The following DCC variants were observed in gnomAD, a reference collection of about 807,000 sequenced individuals.
The protein encoded by DCC is DCC netrin 1 receptor, also known as netrin receptor DCC.
DCC carries 58 observed loss-of-function variants against 172.5 expected under a neutral mutation model. The ratio of observed to expected loss-of-function variants is 0.34; its 90% confidence interval spans 0.27 to 0.42. The LOEUF (loss-of-function observed/expected upper bound fraction) is 0.42. DCC is among the 10% of genes least tolerant of loss of function. DCC has a pLI of 1.00. For missense variants in DCC, 1,740 were observed against 1,791.0 expected, an observed-to-expected ratio of 0.97 and a Z score of 0.51; for synonymous variants, 709 against 644.5, an observed-to-expected ratio of 1.10 and a Z score of -1.52.
chr18:52,480,540 A>C (rs921084618), intron 1 of DCC, among the ~76,000 whole-genome samples: 3 of 152,208 alleles, frequency 2.0e-5, no homozygotes, highest in African/African-American at 7.2e-5. Context: ...TTTGTATAAA[A>C]ACAGTGATAA....
Position 53,461,828 on chromosome 18 carries a change from A to T in DCC, c.3619+2370A>T, listed in dbSNP as rs371950153. On this transcript the variant is annotated intron_variant, in intron 24 of 28. Transcript: ENST00000442544. Reference sequence around the variant, plus strand: ...GTTCCATTAAAAACTATCATCTGAAATTTAATTAAAGATTCTCCTTTCTCA... The same window carrying T: ...GTTCCATTAAAAACTATCATCTGAATTTTAATTAAAGATTCTCCTTTCTCA... 1.4e-3 allele frequency among the ~76,000 whole-genome samples: 210 copies of T among 152,312 alleles called. 3 individuals are homozygous for T. The highest frequency in any genetic ancestry group is 6.8e-3 in the Middle Eastern group (2 of 294).
intron 2 of DCC, among the ~76,000 whole-genome samples, chr18:52,833,113 T>A (rs1371803906): frequency 6.6e-6 from 1 of 152,122 alleles, no homozygotes; most frequent in African/African-American, 2.4e-5. Flanking sequence ...TACCTCAGCT[T>A]TAATTACACT....
At chr18:53,249,697 C>A (rs1261759474) in intron 12 of DCC, among the ~76,000 whole-genome samples, 1 of 151,842 alleles carries the variant, frequency 6.6e-6, no homozygotes, top group Non-Finnish European at 1.5e-5. Flanking sequence ...GAAATGTGTT[C>A]CCTAAGAACC....
At chr18:53,186,774 G>T (rs1481774563) in intron 9 of DCC, among the ~76,000 whole-genome samples, 4 of 152,192 alleles carry the variant, frequency 2.6e-5, no homozygotes, top group Non-Finnish European at 5.9e-5. Flanking sequence ...GGATAGAAAT[G>T]TATTGCTCAT....
chr18:52,396,281 A>ACCCCCCCCCC (rs34363129), intron 1 of DCC, among the ~76,000 whole-genome samples: 390 of 114,090 alleles, frequency 3.4e-3, no homozygotes, highest in East Asian at 5.0e-3. Flanking sequence ...CCTGCACCAC[A>ACCCCCCCCCC]CCCCCCCCCC....
chr18:52,888,143 C>A (rs1332786438), intron 2 of DCC, among the ~76,000 whole-genome samples: 1 of 152,070 alleles, frequency 6.6e-6, no homozygotes, highest in Non-Finnish European at 1.5e-5. Context: ...CTGAGCATGC[C>A]CTCCCCTGTT....
intron 1 of DCC, among the ~76,000 whole-genome samples, chr18:52,602,857 A>G (rs1443271754): frequency 1.3e-5 from 2 of 152,116 alleles, no homozygotes; most frequent in Non-Finnish European, 2.9e-5. Flanking sequence ...TGCTTTGCAC[A>G]ATTAAAGGTG....
At chr18:52,983,188 G>A (rs375960527) in intron 5 of DCC, among the ~76,000 whole-genome samples, 4 of 152,198 alleles carry the variant, frequency 2.6e-5, no homozygotes, top group East Asian at 1.9e-4. Context: ...TAGCTTCCCC[G>A]GGTAATTTTT....
chr18:53,493,182 G>A lies in DCC; in HGVS notation c.3899-6116G>A, dbSNP rs143949056. ...TTTTTGCACACTGATTTTGTATCCT[G>A]AGCCTTTGCTGAAGTTGCTTATCAG... On this transcript the variant is annotated intron_variant, in intron 26 of 28. Coordinates refer to ENST00000442544, the MANE Select transcript of DCC (RefSeq NM_005215.4). 2.0e-3 allele frequency among the ~76,000 whole-genome samples: 305 copies of A among 152,282 alleles called. 1 individual carries two copies. Among genetic ancestry groups the A allele is most frequent in the African/African-American group, 6.2e-3 (258 of 41,548 alleles).
chr18:53,071,705 T>C (rs2144107722), intron 7 of DCC, among the ~76,000 whole-genome samples: 1 of 152,308 alleles, frequency 6.6e-6, no homozygotes, highest in Middle Eastern at 3.4e-3. Context: ...CAGAGTTTTA[T>C]TGTTGTTTGT....
intron 2 of DCC, among the ~76,000 whole-genome samples, chr18:52,838,037 T>G (rs2038740183): frequency 6.6e-6 from 1 of 152,054 alleles, no homozygotes; most frequent in Admixed American, 6.6e-5. Context: ...GAGAACAGGG[T>G]GGGGAAACCA....
chr18:53,285,220 C>T (rs573040592), intron 12 of DCC, among the ~76,000 whole-genome samples: 5 of 152,144 alleles, frequency 3.3e-5, no homozygotes, highest in Admixed American at 1.3e-4. Context: ...ATGTCTCCAA[C>T]GCATGCCAGA....
chr18:52,997,291 G>C (rs562407207), intron 5 of DCC, among the ~76,000 whole-genome samples: 1 of 152,144 alleles, frequency 6.6e-6, no homozygotes, highest in South Asian at 2.1e-4. Context: ...TTAGAATTTT[G>C]TTCTTTAACA....
At chr18:52,464,875 A>T (rs1427939812) in intron 1 of DCC, among the ~76,000 whole-genome samples, 2 of 152,102 alleles carry the variant, frequency 1.3e-5, no homozygotes, top group East Asian at 3.9e-4. Context: ...TTTGGAGAGC[A>T]CCATGATAGA....
intron 1 of DCC, among the ~76,000 whole-genome samples, chr18:52,599,015 A>G (rs1308905082): frequency 6.6e-6 from 1 of 152,184 alleles, no homozygotes; most frequent in Non-Finnish European, 1.5e-5. Context: ...ATCACCTCTT[A>G]AAGGCTACAT....
At chr18:52,995,792 A>G (rs1252609783) in intron 5 of DCC, among the ~76,000 whole-genome samples, 1 of 151,960 alleles carries the variant, frequency 6.6e-6, no homozygotes, top group Non-Finnish European at 1.5e-5. Flanking sequence ...GCCTAACTTC[A>G]GTAAGTATCA....
At chr18:52,934,195 ATATCTAGTGATCAATATAACAG>A (rs2040349228) in intron 5 of DCC, among the ~76,000 whole-genome samples, 2 of 152,072 alleles carry the variant, frequency 1.3e-5, no homozygotes, top group Non-Finnish European at 2.9e-5. Context: ...TGATATAACA[ATATCTAGTGATCAATATAACAG>A]TATCTAGTGA....
rs1373266703 is a variant in DCC at position 53,312,161 on chromosome 18, A to G, written c.2053+6442A>G. 6.6e-5 allele frequency among the ~76,000 whole-genome samples: 6 copies of G among 90,978 alleles called. No individual in the cohort carries two copies. The Admixed American group carries it at 6.7e-4, about 10-fold the overall frequency. The allele number at this position is 90,978 out of a possible 152,430, so 59.7% of individuals were successfully genotyped here. On this transcript the variant is annotated intron_variant, in intron 13 of 28. Transcript: ENST00000442544. ...TGTCTCTGCTAAAAATACAAAAAAAAAAAAAAAAAAAAAAAAGAAAAAGAA... is the reference window on the plus strand; with the variant it reads ...TGTCTCTGCTAAAAATACAAAAAAAGAAAAAAAAAAAAAAAAGAAAAAGAA...
At chr18:52,597,514 A>G (rs2033932929) in intron 1 of DCC, among the ~76,000 whole-genome samples, 1 of 151,696 alleles carries the variant, frequency 6.6e-6, no homozygotes, top group Non-Finnish European at 1.5e-5. Context: ...AGTTTAAGCA[A>G]TTTTTTTCTG....
Sources: allele counts gnomAD v4.1 joint callset (sites outside exome capture counted in the v4.1 genomes callset), GRCh38; gene constraint gnomAD v4.1.1; transcripts MANE v1.5; gene names NCBI Gene and HGNC (gene_info 2026-07-23, HGNC 2026-07-21).